MMP25: variants seen among roughly 807,000 people sequenced by gnomAD.
The protein encoded by MMP25 is matrix metallopeptidase 25, also known as matrix metalloproteinase-25.
Under a neutral mutation model 62.1 loss-of-function variants are expected in MMP25, and 68 were observed. That is an observed-to-expected ratio of 1.10 (90% CI 0.90 to 1.34). The LOEUF (loss-of-function observed/expected upper bound fraction) is 1.34. Among genes scored for constraint, MMP25 ranks in the 40% most tolerant of loss-of-function variants. MMP25 has a pLI of 0.00. For synonymous variants in MMP25, 407 were observed against 345.6 expected (o/e 1.18, Z -1.97); for missense variants, 942 against 792.5 (o/e 1.19, Z -2.26).
intron 4 of MMP25, among the ~76,000 whole-genome samples, chr16:3,056,525 A>T (rs1956012244): frequency 6.6e-6 from 1 of 151,712 alleles, no homozygotes; most frequent in Non-Finnish European, 1.5e-5. Context: ...TCCCTGCCTC[A>T]GCCTGGGACC....
At chr16:3,051,278 G>A (rs1261196773) in intron 4 of MMP25, 2 of 151,872 alleles carry the variant, frequency 1.3e-5, no homozygotes, top group African/African-American at 2.4e-5. Context: ...ATTGGCTCAC[G>A]GGATTGTAGG....
chr16:3,053,179 TGG>T (rs1259021629), intron 4 of MMP25: 1 of 153,080 alleles, frequency 6.5e-6, no homozygotes, highest in African/African-American at 2.4e-5. Context: ...CATTCACATA[TGG>T]GCTTCGGCTG....
In MMP25 at chr16:3,058,421, T is replaced by A; in HGVS notation, c.1169T>A (p.Phe390Tyr). The A allele has an allele frequency of 6.4e-7, 1 of 1,567,774 alleles. No individual in the cohort carries two copies. Among genetic ancestry groups the A allele is most frequent in the Non-Finnish European group, 8.6e-7 (1 of 1,156,838 alleles). ...GRILLFSGPQFWVFQDRQLEG... is the reference protein window; with the variant it reads ...GRILLFSGPQYWVFQDRQLEG... ...GGCCTCCACCCTGCAGGGCCCCAGTTCTGGGTGTTCCAGGACCGGCAGCTG... is the reference window on the plus strand; with the variant it reads ...GGCCTCCACCCTGCAGGGCCCCAGTACTGGGTGTTCCAGGACCGGCAGCTG... Residue 390 changes from phenylalanine (F) to tyrosine (Y), a missense_variant, in exon 9 of 10, where the codon TTC (phenylalanine) becomes TAC (tyrosine). Physicochemically the swap from Phe to Tyr is conservative, Grantham distance 22. Coordinates refer to ENST00000336577, the MANE Select transcript of MMP25 (RefSeq NM_022468.5).
Position 3,050,130 on chromosome 16 carries a change from A to C in MMP25, c.354A>C (p.Arg118=). The change falls in exon 3 of 10, where the codon CGA becomes CGC. Residue 118 remains arginine, a synonymous_variant. Transcript: ENST00000336577. ...YALSGSVWKK[R]TLTWRVRSFP... is the part of the protein sequence containing the mutation. ...TGAGCGGCAGCGTGTGGAAGAAGCG[A>C]ACCCTGACATGGAGGTAGGTCCTGG... is the stretch of plus-strand genomic sequence containing the variant. 6.2e-7 allele frequency: 1 copy of C among 1,606,584 alleles called. No homozygotes were observed. Among genetic ancestry groups the C allele is most frequent in the East Asian group, 2.2e-5 (1 of 44,628 alleles).
Position 3,046,829 on chromosome 16 carries a change from C to G in MMP25, c.-89C>G. The G allele has an allele frequency of 1.4e-6, 1 of 706,986 alleles. No individual in the cohort carries two copies. The highest frequency in any genetic ancestry group is 2.1e-6 in the Non-Finnish European group (1 of 477,738). 43.8% of individuals were successfully genotyped at this position (706,986 alleles called of 1,614,324 possible). On this transcript the variant is annotated 5_prime_UTR_variant, in exon 1 of 10. Coordinates refer to ENST00000336577, the MANE Select transcript of MMP25 (RefSeq NM_022468.5). ...CGGTGCCGGGTGCCCCCCGCCCTCT[C>G]CAGGCCCGGATCTCCTCCCCCAGGT...
At position 3,058,578 on chromosome 16, in the gene MMP25, G is replaced by C. The variant is rs367866689; in HGVS notation, c.1326G>C (p.Ala442=). The C allele has an allele frequency of 3.1e-6, 5 of 1,609,006 alleles. No homozygotes were observed. Among genetic ancestry groups the C allele is most frequent in the Admixed American group, 1.7e-5 (1 of 59,626 alleles). ...RGRQYWRYDE[A]AARPDPGYPR... The stretch of plus-strand genomic sequence containing the variant: ...GGCAGTACTGGCGCTACGACGAGGC[G>C]GCGGCGCGCCCGGACCCCGGCTACC... The change falls in exon 9 of 10, where the codon GCG becomes GCC. Residue 442 remains alanine, a synonymous_variant. Transcript: ENST00000336577.
Position 3,058,264 on chromosome 16 carries a change from C to G in MMP25, c.1090C>G (p.Pro364Ala), listed in dbSNP as rs769075380. 1.2e-6 allele frequency: 2 copies of G among 1,611,036 alleles called. No homozygotes were observed. Among genetic ancestry groups the G allele is most frequent in the Non-Finnish European group, 1.7e-6 (2 of 1,179,160 alleles). Residue 364 changes from proline (P) to alanine (A), a missense_variant, in exon 8 of 10, where the codon CCC becomes GCC. Pro to Ala is a conservative substitution (Grantham distance 27, BLOSUM62 -1). Coordinates refer to ENST00000336577, the MANE Select transcript of MMP25 (RefSeq NM_022468.5). ...GCTGCACCGCTTCTGGGAGGGGCTG[C>G]CCGCCCAGGTGAGGGTGGTGCAGGC... Reference protein sequence around the residue: ...ARLHRFWEGLPAQVRVVQAAY... With the variant: ...ARLHRFWEGLAAQVRVVQAAY...
Position 3,059,938 on chromosome 16 carries a change from C to G in MMP25, c.*840C>G, listed in dbSNP as rs1429962371. ...CCTGGGCCCAGAACTGCCTTCCATT[C>G]AATGGGGAACCCTTCTATCCCCAAG... On this transcript the variant is annotated 3_prime_UTR_variant, in exon 10 of 10. Coordinates refer to ENST00000336577, the MANE Select transcript of MMP25 (RefSeq NM_022468.5). The G allele has an allele frequency of 1.3e-5, 2 of 152,290 alleles. No individual in the cohort carries two copies. Among genetic ancestry groups the G allele is most frequent in the African/African-American group, 4.8e-5 (2 of 41,388 alleles). The allele number at this position is 152,290 out of a possible 1,614,324, so 9.4% of individuals were successfully genotyped here.
At chr16:3,056,911 TG>T in intron 4 of MMP25, 121 bp from the exon 5 acceptor site, 2 of 1,032,528 alleles carry the variant, frequency 1.9e-6, no homozygotes, top group Admixed American at 2.7e-5. Context: ...CAGAGGAGGC[TG>T]GGGCCACCTC....
rs1311380547 is a variant in MMP25 at position 3,046,953 on chromosome 16, T to G, written c.36T>G (p.Leu12=). ...RLRLRLLALL[L]LLLAPPARAP... is the part of the protein sequence containing the mutation. ...GGCTCCGGCTTCTGGCGCTGCTGCTTCTGCTGCTGGCACCGCCCGCGCGCG... is the reference window on the plus strand; with the variant it reads ...GGCTCCGGCTTCTGGCGCTGCTGCTGCTGCTGCTGGCACCGCCCGCGCGCG... The change falls in exon 1 of 10, where the codon CTT becomes CTG. Residue 12 remains leucine (L), a synonymous_variant. Transcript: ENST00000336577. 6.8e-7 allele frequency: 1 copy of G among 1,472,476 alleles called. No individual in the cohort carries two copies. Among genetic ancestry groups the G allele is most frequent in the Non-Finnish European group, 8.9e-7 (1 of 1,120,388 alleles). The allele number at this position is 1,472,476 out of a possible 1,614,324, so 91.2% of individuals were successfully genotyped here.
chr16:3,055,431 G>A (rs1161514120), intron 4 of MMP25, among the ~76,000 whole-genome samples: 3 of 151,986 alleles, frequency 2.0e-5, no homozygotes, highest in Admixed American at 1.3e-4. Context: ...ACCTACAGTC[G>A]ACAGGGAAAT....
At chr16:3,051,151 GAAAC>G (rs1955896215) in intron 4 of MMP25, 1 of 152,320 alleles carries the variant, frequency 6.6e-6, no homozygotes, top group Non-Finnish European at 1.5e-5. Flanking sequence ...GGTCTCCAGA[GAAAC>G]AAAACCAACA....
At chr16:3,048,255 C>T (rs1369956463) in intron 2 of MMP25, among the ~76,000 whole-genome samples, 4 of 152,332 alleles carry the variant, frequency 2.6e-5, no homozygotes, top group African/African-American at 9.6e-5. Flanking sequence ...CTGCAGTGAG[C>T]TATGATTGCA....
At position 3,059,251 on chromosome 16, in the gene MMP25, A is replaced by AG; in HGVS notation, c.*157dup. 1.1e-6 allele frequency: 1 copy of AG among 895,232 alleles called. No individual in the cohort carries two copies. Among genetic ancestry groups the AG allele is most frequent in the Non-Finnish European group, 1.5e-6 (1 of 649,030 alleles). The allele number at this position is 895,232 out of a possible 1,614,324, so 55.5% of individuals were successfully genotyped here. ...ACTAAGCAGGGGGGATCTCCCGCGC[A>AG]GGGGCGGCGGCGGCGGGGACCGGTC... On this transcript the variant is annotated 3_prime_UTR_variant, in exon 10 of 10. Transcript: ENST00000336577.
intron 4 of MMP25, chr16:3,052,628 A>G (rs12596137): frequency 0.19 from 28,724 of 151,266 alleles, 2,732 homozygotes; most frequent in Admixed American, 0.24. Context: ...GTGACAGGGG[A>G]GATGAGGCTG....
Position 3,055,661 on chromosome 16 carries a change from C to T in MMP25, c.662-1372C>T, listed in dbSNP as rs144887979. 188 of 352,996 alleles carry T rather than the reference C, an allele frequency of 5.3e-4. 1 individual carries two copies. Among genetic ancestry groups the T allele is most frequent in the African/African-American group, 3.5e-3 (164 of 46,828 alleles). 21.9% of individuals were successfully genotyped at this position (352,996 alleles called of 1,614,324 possible). The stretch of plus-strand genomic sequence containing the variant: ...TCATGCTTAGACGCTCAGCGAGTGG[C>T]TTTAGGGACCGAGAGAAATTTGCTT... On this transcript the variant is annotated intron_variant, in intron 4 of 9. Transcript: ENST00000336577.
rs1388234619 is a variant in MMP25, at chr16:3,057,130, C to A, written c.759C>A (p.Pro253=). 6.2e-7 allele frequency: 1 copy of A among 1,613,438 alleles called. No homozygotes were observed. The highest frequency in any genetic ancestry group is 8.5e-7 in the Non-Finnish European group (1 of 1,179,824). Residue 253 remains proline (P), a synonymous_variant, in exon 5 of 10, where the codon CCC becomes CCA. Coordinates refer to ENST00000336577, the MANE Select transcript of MMP25 (RefSeq NM_022468.5). ...HSSAPNSIMR[P]FYQGPVGDPD... ...CAGCCCCCAACTCCATTATGAGGCC[C>A]TTCTACCAGGGTCCGGTGGGCGACC...
rs778242846 is a variant in MMP25, at chr16:3,057,198, A to T, written c.827A>T (p.Gln276Leu). ...TCTCAGGATGACCGCGATGGCCTGC[A>T]GCAACTCTATGGTAGGGGGAGAGGG... ...RLSQDDRDGL[Q>L]QLYGKAPQTP... Residue 276 changes from glutamine (Q) to leucine (L), a missense_variant, in exon 5 of 10, where the codon CAG (glutamine) becomes CTG (leucine). By Grantham distance (113) the Gln-to-Leu change is moderately radical (BLOSUM62 -2). Transcript: ENST00000336577. 3 of 1,612,894 alleles carry T rather than the reference A, an allele frequency of 1.9e-6. No homozygotes were observed. Among genetic ancestry groups the T allele is most frequent in the Admixed American group, 3.3e-5 (2 of 59,834 alleles).
At chr16:3,047,801 C>T (rs1955841666) in intron 2 of MMP25, among the ~76,000 whole-genome samples, 1 of 151,514 alleles carries the variant, frequency 6.6e-6, no homozygotes, top group South Asian at 2.1e-4. Context: ...TTGAGACCAG[C>T]TTGGCCAACA....
Sources: allele counts gnomAD v4.1 joint callset (sites outside exome capture counted in the v4.1 genomes callset), GRCh38; gene constraint gnomAD v4.1.1; transcripts MANE v1.5; gene names NCBI Gene and HGNC (gene_info 2026-07-23, HGNC 2026-07-21).